The following SOX6 variants were observed in gnomAD, a reference collection of about 807,000 sequenced individuals.
The protein encoded by SOX6 is SRY-box transcription factor 6.
Under a neutral mutation model 97.8 loss-of-function variants are expected in SOX6, and 11 were observed. The ratio of observed to expected loss-of-function variants is 0.11; its 90% CI spans 0.07 to 0.19. The LOEUF is 0.19. SOX6 is among the 10% of genes least tolerant of loss of function. The pLI is 1.00. For missense variants in SOX6, 810 were observed against 1,039.5 expected, an observed-to-expected ratio of 0.78 and a Z score of 3.04; for synonymous variants, 360 against 371.4, an observed-to-expected ratio of 0.97 and a Z score of 0.35.
chr11:16,379,622 A>C (rs955229298), intron 1 of SOX6, among the ~76,000 whole-genome samples: 14 of 152,220 alleles, frequency 9.2e-5, no homozygotes, highest in African/African-American at 3.4e-4. Context: ...TGGATGAGGA[A>C]AAATGAGTAC....
At chr11:16,309,082 C>T (rs553600997) in intron 3 of SOX6, among the ~76,000 whole-genome samples, 1 of 152,288 alleles carries the variant, frequency 6.6e-6, no homozygotes, top group Admixed American at 6.5e-5. Context: ...ACACATATTG[C>T]AGCAGCAACT....
rs542633489 is a variant in SOX6, at chr11:16,383,515, C to T, written c.-4-42263G>A. 9.2e-5 allele frequency among the ~76,000 whole-genome samples: 14 copies of T among 151,958 alleles called. No individual in the cohort carries two copies. In the South Asian group the frequency reaches 2.7e-3, roughly 29 times the overall value. ...GCAAGTTGCTCAACTTCTCTGAGTC[C>T]AGGTATCTTTATCTGTACAATAGTT... On this transcript the variant is annotated intron_variant, in intron 1 of 15. Coordinates refer to the SOX6 transcript ENST00000396356.
At chr11:16,218,090 T>C (rs1315707839) in intron 4 of SOX6, among the ~76,000 whole-genome samples, 1 of 152,240 alleles carries the variant, frequency 6.6e-6, no homozygotes. Context: ...TGGACCAAAA[T>C]ACATTATTTT....
chr11:16,271,139 T>G (rs1278967424), intron 3 of SOX6, among the ~76,000 whole-genome samples: 1 of 151,404 alleles, frequency 6.6e-6, no homozygotes, highest in Non-Finnish European at 1.5e-5. Context: ...TTTTGGAGAT[T>G]ATTCCAAGAC....
chr11:16,555,759 A>C (rs1161784746), intron 4 of SOX6, among the ~76,000 whole-genome samples: 1 of 151,706 alleles, frequency 6.6e-6, no homozygotes, highest in East Asian at 1.9e-4. Context: ...GATATAATGA[A>C]TATATTAATA....
rs779239336 is a variant in SOX6 at position 16,015,044 on chromosome 11, T to C, written c.1630A>G (p.Thr544Ala). The C allele has an allele frequency of 2.5e-6, 4 of 1,612,570 alleles. No homozygotes were observed. The highest frequency in any genetic ancestry group is 3.4e-6 in the Non-Finnish European group (4 of 1,179,066). The change falls in exon 13 of 16, where the codon ACG becomes GCG. Residue 544 changes from threonine (T) to alanine (A), a missense_variant. Thr to Ala is a moderately conservative substitution (Grantham distance 58). Transcript: ENST00000683767. ...LNSCRNEKER[T>A]RFENLGPQLT... is the part of the protein sequence containing the mutation. ...TGGGGCCCCAAATTCTCAAAGCGCG[T>C]TCTTTCCTAGAGGAACAAATAATCA...
chr11:16,718,371 T>A (rs75092305), intron 2 of SOX6, among the ~76,000 whole-genome samples: 1,746 of 152,278 alleles, frequency 0.011, 26 homozygotes, highest in African/African-American at 0.04. Context: ...AATTTCTTCT[T>A]TATTTGGTGA....
At chr11:16,708,733 T>C (rs146627997) in intron 3 of SOX6, among the ~76,000 whole-genome samples, 68 of 152,326 alleles carry the variant, frequency 4.5e-4, no homozygotes, top group African/African-American at 1.6e-3. Flanking sequence ...GTGGGGTACA[T>C]GATCGGTAAA....
intron 1 of SOX6, among the ~76,000 whole-genome samples, chr11:16,404,351 A>G (rs1374983044): frequency 1.3e-5 from 2 of 151,916 alleles, no homozygotes; most frequent in African/African-American, 4.8e-5. Flanking sequence ...TGGCCGGTAT[A>G]TTAAGAAAGC....
At chr11:15,973,145 G>A in intron 15 of SOX6, 33 bp from the exon 16 acceptor site, 2 of 1,607,234 alleles carry the variant, frequency 1.2e-6, no homozygotes, top group Non-Finnish European at 1.7e-6. Context: ...ATCAGACAAG[G>A]GAGAAATATC....
intron 7 of SOX6, among the ~76,000 whole-genome samples, chr11:16,104,971 A>G (rs1039239896): frequency 6.6e-6 from 1 of 152,004 alleles, no homozygotes; most frequent in Non-Finnish European, 1.5e-5. Flanking sequence ...TTTAAAGAAG[A>G]ATTAATACCA....
chr11:16,381,048 T>C (rs1425199910), intron 1 of SOX6, among the ~76,000 whole-genome samples: 5 of 152,024 alleles, frequency 3.3e-5, no homozygotes, highest in African/African-American at 1.2e-4. Flanking sequence ...ATAGAAAAAA[T>C]TGATACAAAT....
intron 3 of SOX6, among the ~76,000 whole-genome samples, chr11:16,700,541 ATCTGGTC>A (rs1848085006): frequency 6.6e-6 from 1 of 152,218 alleles, no homozygotes; most frequent in Non-Finnish European, 1.5e-5. Flanking sequence ...GGACTGCATC[ATCTGGTC>A]TCCTGGTCCA....
intron 1 of SOX6, among the ~76,000 whole-genome samples, chr11:16,421,066 C>A (rs1859012136): frequency 6.6e-6 from 1 of 152,164 alleles, no homozygotes; most frequent in Non-Finnish European, 1.5e-5. Flanking sequence ...TTGATACAAA[C>A]CCTTTGAACC....
At chr11:16,638,450 G>C (rs1224796191) in intron 3 of SOX6, among the ~76,000 whole-genome samples, 1 of 152,042 alleles carries the variant, frequency 6.6e-6, no homozygotes, top group Non-Finnish European at 1.5e-5. Context: ...GGGATGGCTG[G>C]GTCAAATGGT....
At chr11:16,063,554 A>G (rs1848019656) in intron 9 of SOX6, among the ~76,000 whole-genome samples, 1 of 68,958 alleles carries the variant, frequency 1.5e-5, no homozygotes, top group Non-Finnish European at 2.9e-5. Flanking sequence ...ATATATATAT[A>G]CCTGCTTTCT....
chr11:16,183,515 T>A (rs1349708250), intron 6 of SOX6, among the ~76,000 whole-genome samples: 2 of 151,938 alleles, frequency 1.3e-5, no homozygotes, highest in African/African-American at 4.8e-5. Context: ...ACAAGTAAAT[T>A]AAAAGTAAGT....
intron 9 of SOX6, among the ~76,000 whole-genome samples, chr11:16,065,463 T>A (rs755535553): frequency 9.9e-5 from 15 of 151,740 alleles, no homozygotes; most frequent in Admixed American, 2.0e-4. Context: ...TTCCATGCAA[T>A]CCACATCAAA....
chr11:16,706,373 G>A (rs1848132150), intron 3 of SOX6, among the ~76,000 whole-genome samples: 1 of 144,386 alleles, frequency 6.9e-6, no homozygotes. Context: ...ACTTAAGCCT[G>A]GGAGGTCAAG....
Sources: gnomAD v4.1 joint callset for allele counts (sites outside exome capture counted in the v4.1 genomes callset) on GRCh38, gnomAD v4.1.1 for gene constraint, MANE v1.5 for transcripts, NCBI Gene and HGNC (gene_info 2026-07-23, HGNC 2026-07-21) for gene names.